The following PRKCE variants were observed in gnomAD, a reference collection of about 807,000 sequenced individuals.
The protein encoded by PRKCE is protein kinase C epsilon.
A neutral mutation model predicts 85.4 loss-of-function variants in PRKCE; 16 were observed. That is an observed-to-expected ratio of 0.19 (90% CI 0.13 to 0.28). The LOEUF (loss-of-function observed/expected upper bound fraction) is 0.28. PRKCE is among the 10% of genes least tolerant of loss of function. The pLI is 1.00. For synonymous variants in PRKCE, 388 were observed against 371.5 expected (o/e 1.04, Z -0.51); for missense variants, 573 against 975.2 (o/e 0.59, Z 5.49).
At chr2:45,744,495 C>CTT (rs1682939663) in intron 1 of PRKCE, among the ~76,000 whole-genome samples, 1 of 53,950 alleles carries the variant, frequency 1.9e-5, no homozygotes, top group Non-Finnish European at 3.7e-5. Flanking sequence ...CTTTTTCTTT[C>CTT]TTTCTTTTCT....
intron 2 of PRKCE, among the ~76,000 whole-genome samples, chr2:45,861,937 T>A (rs1013017163): frequency 6.6e-6 from 1 of 152,132 alleles, no homozygotes; most frequent in Non-Finnish European, 1.5e-5. Flanking sequence ...GAATAGTAGC[T>A]ATACTGTGAT....
chr2:45,740,643 A>G (rs779333602), intron 1 of PRKCE, among the ~76,000 whole-genome samples: 1 of 152,112 alleles, frequency 6.6e-6, no homozygotes, highest in Admixed American at 6.6e-5. Flanking sequence ...CAGTTTTTGT[A>G]TTCCCCATTC....
chr2:45,990,261 G>A (rs143540232), intron 6 of PRKCE, among the ~76,000 whole-genome samples: 49 of 152,270 alleles, frequency 3.2e-4, no homozygotes, highest in African/African-American at 6.3e-4. Context: ...GTTCTCTGCC[G>A]TATGGGCCTC....
intron 11 of PRKCE, among the ~76,000 whole-genome samples, chr2:46,142,805 C>A (rs889299643): frequency 1.3e-5 from 2 of 152,258 alleles, no homozygotes; most frequent in African/African-American, 2.4e-5. Context: ...AAAGGCGGAG[C>A]CTTGCAGCCT....
At chr2:45,740,303 A>T (rs1425449923) in intron 1 of PRKCE, among the ~76,000 whole-genome samples, 1 of 152,116 alleles carries the variant, frequency 6.6e-6, no homozygotes, top group East Asian at 1.9e-4. Flanking sequence ...TCCCTAGGGA[A>T]TGTGGGAATC....
At chr2:45,787,910 C>A (rs1686736287) in intron 1 of PRKCE, among the ~76,000 whole-genome samples, 1 of 152,208 alleles carries the variant, frequency 6.6e-6, no homozygotes, top group African/African-American at 2.4e-5. Context: ...CATTGCGATC[C>A]TGCCAGCCAC....
At chr2:45,893,491 C>G (rs1349186796) in intron 2 of PRKCE, among the ~76,000 whole-genome samples, 2 of 152,132 alleles carry the variant, frequency 1.3e-5, no homozygotes, top group Non-Finnish European at 2.9e-5. Flanking sequence ...CCTCAGCCTC[C>G]TGAGTAGCTG....
intron 14 of PRKCE, among the ~76,000 whole-genome samples, chr2:46,177,583 A>G (rs1679546738): frequency 1.3e-5 from 2 of 152,004 alleles, no homozygotes; most frequent in South Asian, 2.1e-4. Context: ...TCTGTGTCCA[A>G]TTTCCCCTCT....
intron 2 of PRKCE, among the ~76,000 whole-genome samples, chr2:45,968,951 A>G (rs570280281): frequency 6.6e-6 from 1 of 152,056 alleles, no homozygotes; most frequent in African/African-American, 2.4e-5. Flanking sequence ...GAAGTTAGGT[A>G]AACAGAAGAA....
intron 10 of PRKCE, among the ~76,000 whole-genome samples, chr2:46,049,049 C>G: frequency 6.6e-6 from 1 of 152,136 alleles, no homozygotes; most frequent in African/African-American, 2.4e-5. Context: ...AGTCTAGAGT[C>G]CCAGGGCCTT....
intron 2 of PRKCE, among the ~76,000 whole-genome samples, chr2:45,933,335 A>T (rs1362094117): frequency 6.6e-6 from 1 of 152,126 alleles, no homozygotes; most frequent in African/African-American, 2.4e-5. Flanking sequence ...TCAATTTATC[A>T]GTTATTTTCT....
At chr2:45,843,141 G>T in intron 2 of PRKCE, 78 bp downstream of exon 2, 1 of 1,264,496 alleles carries the variant, frequency 7.9e-7, no homozygotes, top group East Asian at 2.3e-5. Context: ...CCCCCCCTTG[G>T]CCGGAACACA....
intron 2 of PRKCE, among the ~76,000 whole-genome samples, chr2:45,879,487 C>G (rs1018594945): frequency 2.6e-5 from 4 of 152,204 alleles, no homozygotes; most frequent in African/African-American, 7.2e-5. Context: ...GTCCACTGAG[C>G]TATTAAACAC....
At chr2:45,801,510 TGAGGGTGAGG>T (rs1282939772) in intron 1 of PRKCE, among the ~76,000 whole-genome samples, 2 of 31,002 alleles carry the variant, frequency 6.5e-5, no homozygotes, top group Admixed American at 7.5e-4. Flanking sequence ...GTGCTGAGGG[TGAGGGTGAGG>T]GAGAGGGAGG....
intron 10 of PRKCE, among the ~76,000 whole-genome samples, chr2:46,027,032 G>T (rs552404792): frequency 6.6e-6 from 1 of 152,224 alleles, no homozygotes; most frequent in African/African-American, 2.4e-5. Context: ...AGCCTGGCAC[G>T]GTGATGTGTG....
At chr2:45,922,347 G>A (rs1220133754) in intron 2 of PRKCE, among the ~76,000 whole-genome samples, 1 of 152,144 alleles carries the variant, frequency 6.6e-6, no homozygotes, top group Non-Finnish European at 1.5e-5. Context: ...TCTTTATACT[G>A]GCTGAGCTGC....
At chr2:45,989,177 A>G (rs1171600136) in intron 6 of PRKCE, among the ~76,000 whole-genome samples, 1 of 152,190 alleles carries the variant, frequency 6.6e-6, no homozygotes, top group African/African-American at 2.4e-5. Flanking sequence ...ATCTGGGGTG[A>G]ATGCTCTGCA....
intron 12 of PRKCE, among the ~76,000 whole-genome samples, chr2:46,146,003 A>G (rs983872402): frequency 1.3e-5 from 2 of 152,252 alleles, no homozygotes; most frequent in Admixed American, 1.3e-4. Flanking sequence ...TGGCAGTTCT[A>G]TGCTGTGAGT....
Position 46,159,499 on chromosome 2 carries a change from G to A in PRKCE, c.1921-107G>A. The stretch of plus-strand genomic sequence containing the variant: ...CCTTGAAAGTGCAAAGAACAGACTT[G>A]GGAGGCGATGCTGAAGATGCTGCTT... On this transcript the variant is annotated intron_variant, in intron 13 of 14. Coordinates refer to ENST00000306156, the MANE Select transcript of PRKCE (RefSeq NM_005400.3). This position sits in a 1 kb window ranked among gnomAD's most constrained non-coding sequence, Gnocchi z 4.1. 1 of 1,209,776 alleles carries A rather than the reference G, an allele frequency of 8.3e-7. No individual in the cohort carries two copies. The highest frequency in any genetic ancestry group is 1.5e-5 in the African/African-American group (1 of 64,774). 74.9% of individuals were successfully genotyped at this position (1,209,776 alleles called of 1,614,324 possible).
Sources: gnomAD v4.1 joint callset for allele counts (sites outside exome capture counted in the v4.1 genomes callset) on GRCh38, gnomAD v4.1.1 for gene constraint, Gnocchi (gnomAD v3.1) non-coding constraint, MANE v1.5 for transcripts, NCBI Gene and HGNC (gene_info 2026-07-23, HGNC 2026-07-21) for gene names.